DRAXIN: variants seen among roughly 807,000 people sequenced by gnomAD.
DRAXIN encodes the protein dorsal inhibitory axon guidance protein.
DRAXIN carries 27 observed loss-of-function variants against 33.9 expected under a neutral mutation model. The ratio of observed to expected loss-of-function variants is 0.80; its 90% CI spans 0.59 to 1.10. The LOEUF is 1.10. Among genes scored for constraint, DRAXIN ranks in the 50% least tolerant of loss-of-function variants. The probability of loss-of-function intolerance (pLI) is 0.00; values close to 1 mark genes in which losing one functional copy is unlikely to be tolerated. For synonymous variants in DRAXIN, 178 were observed against 194.0 expected, an observed-to-expected ratio of 0.92 and a Z score of 0.69; for missense variants, 371 against 460.8, an observed-to-expected ratio of 0.81 and a Z score of 1.78.
intron 1 of DRAXIN, among the ~76,000 whole-genome samples, chr1:11,698,962 C>T (rs1266349950): frequency 6.6e-6 from 1 of 152,194 alleles, no homozygotes; most frequent in Non-Finnish European, 1.5e-5. Context: ...GATACAATTC[C>T]TCCCCACAGA....
chr1:11,703,239 A>C (rs1326227688), intron 1 of DRAXIN, among the ~76,000 whole-genome samples: 1 of 152,246 alleles, frequency 6.6e-6, no homozygotes, highest in Non-Finnish European at 1.5e-5. Context: ...CTTCAAGAGC[A>C]GGACAAAGGC....
rs60342076 is a variant in DRAXIN at position 11,699,926 on chromosome 1, C to CAATAAATAAATAAATAAATAAATA, written c.-10-6320_-10-6297dup. Among the ~76,000 whole-genome samples, 21 of 142,718 alleles carry CAATAAATAAATAAATAAATAAATA rather than the reference C, an allele frequency of 1.5e-4. No homozygotes were observed. In the East Asian group the frequency reaches 2.1e-3, roughly 15 times the overall value. The allele number at this position is 142,718 out of a possible 152,430, so 93.6% of individuals were successfully genotyped here. A position where few individuals can be genotyped will look rare whatever the true frequency, so the allele number is the denominator to read the frequency against. On this transcript the variant is annotated intron_variant, in intron 1 of 6. Coordinates refer to ENST00000294485, the MANE Select transcript of DRAXIN (RefSeq NM_198545.4). ...CGGGTGACACAGCGAGACTCACTCT[C>CAATAAATAAATAAATAAATAAATA]AATAAATAAATAAATAAATAAATAA...
chr1:11,688,691 G>C (rs1309441293), upstream of DRAXIN, among the ~76,000 whole-genome samples: 2 of 152,178 alleles, frequency 1.3e-5, no homozygotes, highest in African/African-American at 2.4e-5. This position sits in a 1 kb window ranked among gnomAD's most constrained non-coding sequence, Gnocchi z 4.6. Context: ...CATTGTTAGA[G>C]GTGTCTGAAC....
upstream of DRAXIN, among the ~76,000 whole-genome samples, chr1:11,690,199 A>G (rs1641035685): frequency 6.6e-6 from 1 of 152,124 alleles, no homozygotes; most frequent in African/African-American, 2.4e-5. This position sits in a 1 kb window ranked among gnomAD's most constrained non-coding sequence, Gnocchi z 4.2. Context: ...TCTGAGCTCC[A>G]TGGGGGCAGG....
At position 11,724,709 on chromosome 1, in the gene DRAXIN, AACC is replaced by A. The variant is rs1641714678; in HGVS notation, c.*5014_*5016del. ...GACAGCATACCTGAAACCTGCAAGG[AACC>A]GGTTTATAAAACAACAGAACAGCCA... is the stretch of plus-strand genomic sequence containing the variant. On this transcript the variant is annotated 3_prime_UTR_variant, in exon 7 of 7. Coordinates refer to ENST00000294485, the MANE Select transcript of DRAXIN (RefSeq NM_198545.4). 1 of 152,336 alleles carries A rather than the reference AACC, an allele frequency of 6.6e-6. No individual in the cohort carries two copies. The highest frequency in any genetic ancestry group is 1.5e-5 in the Non-Finnish European group (1 of 68,102). 9.4% of individuals were successfully genotyped at this position (152,336 alleles called of 1,614,324 possible).
rs6679089 is a variant in DRAXIN at position 11,692,083 on chromosome 1, G to A, written c.-11+230G>A. Among the ~76,000 whole-genome samples the A allele has an allele frequency of 0.15, 23,324 of 151,994 alleles. 3,757 individuals are homozygous for A. Among genetic ancestry groups the A allele is most frequent in the African/African-American group, 0.41 (16,952 of 41,432 alleles). ...CCCACGGACCCTGGCTCTGCTCCCG[G>A]GCTCCCCATCCGTCCACCTACCGCT... On this transcript the variant is annotated intron_variant, in intron 1 of 6. Coordinates refer to ENST00000294485, the MANE Select transcript of DRAXIN (RefSeq NM_198545.4). This position sits in a 1 kb window ranked among gnomAD's most constrained non-coding sequence, Gnocchi z 5.8.
chr1:11,702,440 C>T (rs1236009953), intron 1 of DRAXIN, among the ~76,000 whole-genome samples: 1 of 151,694 alleles, frequency 6.6e-6, no homozygotes, highest in Non-Finnish European at 1.5e-5. Context: ...TGCTAACACT[C>T]CTACACACTC....
At chr1:11,719,430 CTTTTAAG>C (rs1319904312) in intron 6 of DRAXIN, among the ~76,000 whole-genome samples, 147 bp from the exon 7 acceptor site, 4 of 152,188 alleles carry the variant, frequency 2.6e-5, no homozygotes, top group Admixed American at 2.6e-4. Flanking sequence ...GGGTTCGTGT[CTTTTAAG>C]CTCATTGGGG....
rs527659126 is a variant in DRAXIN at position 11,712,039 on chromosome 1, C to T, written c.757+74C>T. On this transcript the variant is annotated intron_variant, in intron 4 of 6. Coordinates refer to ENST00000294485, the MANE Select transcript of DRAXIN (RefSeq NM_198545.4). Reference sequence around the variant, plus strand: ...CCGCACCATCTGTTGAGGTGGGGGCCCCAGTGAGCCCTGTCTGATCTTCAG... The same window carrying T: ...CCGCACCATCTGTTGAGGTGGGGGCTCCAGTGAGCCCTGTCTGATCTTCAG... The T allele has an allele frequency of 2.2e-4, 307 of 1,368,232 alleles. 2 individuals are homozygous for T. In the African/African-American group the frequency reaches 3.9e-3, roughly 17 times the overall value. 84.8% of individuals were successfully genotyped at this position (1,368,232 alleles called of 1,614,324 possible). A position where few individuals can be genotyped will look rare whatever the true frequency, so the allele number is the denominator to read the frequency against.
intron 5 of DRAXIN, 28 bp downstream of exon 5, chr1:11,712,457 A>G: frequency 1.2e-6 from 2 of 1,613,610 alleles, no homozygotes; most frequent in Non-Finnish European, 1.7e-6. Context: ...CATTCAAGGC[A>G]CCAGGCTGGG....
At position 11,695,607 on chromosome 1, in the gene DRAXIN, A is replaced by T. The variant is rs537256462; in HGVS notation, c.-11+3754A>T. ...ACAGAGTGAGATTCTGTCTCAAAAA[A>T]AAAAATATATATATATATATATACT... On this transcript the variant is annotated intron_variant, in intron 1 of 6. Coordinates refer to ENST00000294485, the MANE Select transcript of DRAXIN (RefSeq NM_198545.4). 8.6e-4 allele frequency among the ~76,000 whole-genome samples: 86 copies of T among 100,368 alleles called. 2 individuals carry two copies. In the East Asian group the frequency reaches 0.017, roughly 20 times the overall value. The allele number at this position is 100,368 out of a possible 152,430, so 65.8% of individuals were successfully genotyped here.
At chr1:11,687,309 G>A (rs929971122), upstream of DRAXIN, among the ~76,000 whole-genome samples, 2 of 152,030 alleles carry the variant, frequency 1.3e-5, no homozygotes, top group Admixed American at 6.6e-5. This position sits in a 1 kb window ranked among gnomAD's most constrained non-coding sequence, Gnocchi z 4.1. Context: ...GTGCAATCTC[G>A]GCTCAATGAA....
intron 1 of DRAXIN, among the ~76,000 whole-genome samples, chr1:11,699,175 C>T (rs1641234930): frequency 6.6e-6 from 1 of 152,196 alleles, no homozygotes; most frequent in African/African-American, 2.4e-5. Context: ...ACCACCTAAT[C>T]CAATGGCCCA....
chr1:11,719,776 A>C lies in DRAXIN; in HGVS notation c.*80A>C. 4 of 1,254,802 alleles carry C rather than the reference A, an allele frequency of 3.2e-6. No homozygotes were observed. The highest frequency in any genetic ancestry group is 4.6e-6 in the Non-Finnish European group (4 of 874,786). The allele number at this position is 1,254,802 out of a possible 1,614,324, so 77.7% of individuals were successfully genotyped here. On this transcript the variant is annotated 3_prime_UTR_variant, in exon 7 of 7. Transcript: ENST00000294485. Reference sequence around the variant, plus strand: ...TGTTTGTAACTAGCAGTGGGAGATCAAGTTGGGGAACAGATGGCTGAGGCT... The same window carrying C: ...TGTTTGTAACTAGCAGTGGGAGATCCAGTTGGGGAACAGATGGCTGAGGCT...
chr1:11,708,150 G>A (rs140286190), intron 2 of DRAXIN, among the ~76,000 whole-genome samples: 8 of 152,366 alleles, frequency 5.3e-5, no homozygotes, highest in Middle Eastern at 3.4e-3. Context: ...GGACCTTTGA[G>A]GACAGCTAGA....
intron 2 of DRAXIN, among the ~76,000 whole-genome samples, chr1:11,707,680 G>C (rs1641410445): frequency 6.6e-6 from 1 of 152,200 alleles, no homozygotes; most frequent in African/African-American, 2.4e-5. Context: ...TACCGCTCCT[G>C]CCTCTGCCCT....
Position 11,706,710 on chromosome 1 carries a change from G to A in DRAXIN, c.451+1G>A. ...AGGGACAGGTTGAGGCTGCACCAAG[G>A]TAGCTGGAGGGCTGCGAGGGGTGGG... On this transcript the variant is annotated splice_donor_variant, in intron 2 of 6. Transcript: ENST00000294485. LOFTEE classifies it high-confidence loss of function. This position sits in a 1 kb window ranked among gnomAD's most constrained non-coding sequence, Gnocchi z 5.5. 6.4e-7 allele frequency: 1 copy of A among 1,563,360 alleles called. No homozygotes were observed. Among genetic ancestry groups the A allele is most frequent in the Non-Finnish European group, 8.6e-7 (1 of 1,158,728 alleles).
chr1:11,705,101 C>A lies in DRAXIN; in HGVS notation c.-10-1148C>A, dbSNP rs939084631. 2.6e-5 allele frequency among the ~76,000 whole-genome samples: 4 copies of A among 152,226 alleles called. No individual in the cohort carries two copies. Among genetic ancestry groups the A allele is most frequent in the Non-Finnish European group, 5.9e-5 (4 of 68,032 alleles). On this transcript the variant is annotated intron_variant, in intron 1 of 6. Transcript: ENST00000294485. This position sits in a 1 kb window ranked among gnomAD's most constrained non-coding sequence, Gnocchi z 4.8. ...AGGGAAACATCACAGGCCCACCAAC[C>A]TTTTCTCAGCCCGGGACAATTATAT...
chr1:11,697,056 AAAAC>A (rs1192746689), intron 1 of DRAXIN, among the ~76,000 whole-genome samples: 1 of 151,990 alleles, frequency 6.6e-6, no homozygotes, highest in Non-Finnish European at 1.5e-5. Context: ...AAAAAAAAAA[AAAAC>A]AACTTTTACT....
Sources: gnomAD v4.1 joint callset for allele counts (sites outside exome capture counted in the v4.1 genomes callset) on GRCh38, gnomAD v4.1.1 for gene constraint, Gnocchi (gnomAD v3.1) non-coding constraint, MANE v1.5 for transcripts, NCBI Gene and HGNC (gene_info 2026-07-23, HGNC 2026-07-21) for gene names.